The following SLC1A1 variants were observed in gnomAD, a reference collection of about 807,000 sequenced individuals.
SLC1A1 encodes solute carrier family 1 member 1, also known as excitatory amino acid transporter 3.
SLC1A1 carries 43 observed loss-of-function variants against 53.3 expected under a neutral mutation model. The observed-to-expected ratio is 0.81, with a 90% CI of 0.63 to 1.04. The LOEUF (loss-of-function observed/expected upper bound fraction) is 1.04. SLC1A1 is among the 50% of genes least tolerant of loss of function. The pLI is 0.00. For missense variants in SLC1A1, 748 were observed against 664.9 expected (o/e 1.12, Z -1.37); for synonymous variants, 307 against 243.2 (o/e 1.26, Z -2.44).
intron 1 of SLC1A1, among the ~76,000 whole-genome samples, chr9:4,518,234 C>CAAAAAA (rs34559140): frequency 2.0e-4 from 12 of 60,440 alleles, no homozygotes; most frequent in East Asian, 6.1e-4. Flanking sequence ...TATTCCACCT[C>CAAAAAA]AAAAAAAAAA....
chr9:4,519,252 A>C (rs900178941), intron 1 of SLC1A1, among the ~76,000 whole-genome samples: 1 of 152,262 alleles, frequency 6.6e-6, no homozygotes, highest in Non-Finnish European at 1.5e-5. Flanking sequence ...AAATGGATAC[A>C]AATAATAATA....
chr9:4,495,317 A>G (rs1413497637), intron 1 of SLC1A1, among the ~76,000 whole-genome samples: 11 of 152,174 alleles, frequency 7.2e-5, no homozygotes, highest in Admixed American at 7.2e-4. Context: ...TTTAACAGAT[A>G]TGTATCAGAC....
chr9:4,533,069 A>G (rs570438540), intron 1 of SLC1A1, among the ~76,000 whole-genome samples: 1 of 152,344 alleles, frequency 6.6e-6, no homozygotes, highest in South Asian at 2.1e-4. Flanking sequence ...AGAAGCACTA[A>G]ACATGGAAAG....
chr9:4,535,309 C>T (rs1026825571), intron 1 of SLC1A1, among the ~76,000 whole-genome samples: 8 of 152,082 alleles, frequency 5.3e-5, no homozygotes, highest in Non-Finnish European at 2.9e-5. Context: ...TAGAAAACCC[C>T]ATTGTCTCAG....
intron 1 of SLC1A1, among the ~76,000 whole-genome samples, chr9:4,514,028 G>A (rs1390175733): frequency 3.3e-5 from 5 of 152,182 alleles, no homozygotes; most frequent in African/African-American, 1.2e-4. Flanking sequence ...GTTGCTAGAG[G>A]TTAGGAATGG....
chr9:4,583,760 C>G lies in SLC1A1; in HGVS notation c.1328+588C>G, dbSNP rs757808389. On this transcript the variant is annotated intron_variant, in intron 11 of 11. Transcript: ENST00000262352. This position sits in a 1 kb window ranked among gnomAD's most constrained non-coding sequence, Gnocchi z 4.6. ...GCTCATGTGAGTGGAGCATCTAGAA[C>G]AGCGTTTGGCAGCCCATACATGCTC... Among the ~76,000 whole-genome samples the G allele has an allele frequency of 3.0e-4, 45 of 152,068 alleles. No individual in the cohort carries two copies. Among genetic ancestry groups the G allele is most frequent in the Non-Finnish European group, 5.7e-4 (39 of 68,026 alleles).
chr9:4,569,900 C>T lies in SLC1A1; in HGVS notation c.582+2133C>T, dbSNP rs181274537. Among the ~76,000 whole-genome samples, 841 of 152,306 alleles carry T rather than the reference C, an allele frequency of 5.5e-3. 7 individuals carry two copies. Among genetic ancestry groups the T allele is most frequent in the African/African-American group, 0.019 (784 of 41,560 alleles). ...ATTATAATGGTGAAAAGACAGATGCCAGGCCTCTGTCCTCACACAAAGAAT... is the reference window on the plus strand; with the variant it reads ...ATTATAATGGTGAAAAGACAGATGCTAGGCCTCTGTCCTCACACAAAGAAT... On this transcript the variant is annotated intron_variant, in intron 6 of 11. Coordinates refer to ENST00000262352, the MANE Select transcript of SLC1A1 (RefSeq NM_004170.6).
intron 2 of SLC1A1, among the ~76,000 whole-genome samples, chr9:4,548,350 G>A (rs1817654807): frequency 1.3e-5 from 2 of 152,272 alleles, no homozygotes; most frequent in Middle Eastern, 6.8e-3. Context: ...AACGTATACA[G>A]TTATTAGGCC....
intron 1 of SLC1A1, among the ~76,000 whole-genome samples, chr9:4,507,573 A>G (rs1454027304): frequency 6.6e-6 from 1 of 152,208 alleles, no homozygotes; most frequent in East Asian, 1.9e-4. Context: ...ACAAATGTTA[A>G]GAGAGAAGGG....
At position 4,499,037 on chromosome 9, in the gene SLC1A1, T is replaced by C. The variant is rs1012736038; in HGVS notation, c.91+8267T>C. Among the ~76,000 whole-genome samples, 7 of 120,312 alleles carry C rather than the reference T, an allele frequency of 5.8e-5. No homozygotes were observed. In the East Asian group the frequency reaches 1.4e-3, roughly 23 times the overall value. 78.9% of individuals were successfully genotyped at this position (120,312 alleles called of 152,430 possible). A position where few individuals can be genotyped will look rare whatever the true frequency, so the allele number is the denominator to read the frequency against. On this transcript the variant is annotated intron_variant, in intron 1 of 11. Transcript: ENST00000262352. ...TATATATAAGATTACATATTATATA[T>C]GTATATATATATCTTTTTTTTTTTT...
At chr9:4,511,904 A>T (rs1307724154) in intron 1 of SLC1A1, among the ~76,000 whole-genome samples, 1 of 152,228 alleles carries the variant, frequency 6.6e-6, no homozygotes, top group Non-Finnish European at 1.5e-5. Flanking sequence ...CACAAAAATC[A>T]CTTGTTATTT....
chr9:4,502,619 A>G (rs950295348), intron 1 of SLC1A1, among the ~76,000 whole-genome samples: 3 of 151,658 alleles, frequency 2.0e-5, no homozygotes, highest in African/African-American at 7.3e-5. Context: ...TGAAATTTAC[A>G]AGGCTTAGGT....
At chr9:4,552,071 G>A (rs929230806) in intron 2 of SLC1A1, among the ~76,000 whole-genome samples, 2 of 152,164 alleles carry the variant, frequency 1.3e-5, no homozygotes, top group African/African-American at 4.8e-5. Flanking sequence ...GACTAAACAG[G>A]TATTAGACTT....
intron 6 of SLC1A1, among the ~76,000 whole-genome samples, chr9:4,571,763 A>C (rs1586831762): frequency 6.6e-6 from 1 of 152,226 alleles, no homozygotes; most frequent in African/African-American, 2.4e-5. Context: ...CTTCATTATC[A>C]GGGTAAAACA....
chr9:4,532,407 G>A (rs369539607), intron 1 of SLC1A1, among the ~76,000 whole-genome samples: 22 of 152,206 alleles, frequency 1.4e-4, no homozygotes, highest in East Asian at 5.8e-4. Flanking sequence ...CGAGAACTAC[G>A]TGACAAATGC....
chr9:4,510,611 C>T (rs1246770057), intron 1 of SLC1A1, among the ~76,000 whole-genome samples: 2 of 152,186 alleles, frequency 1.3e-5, no homozygotes, highest in Non-Finnish European at 2.9e-5. Flanking sequence ...CATTTTCACT[C>T]CCAAGCAAGA....
intron 11 of SLC1A1, among the ~76,000 whole-genome samples, chr9:4,584,054 C>G (rs1325889897): frequency 6.6e-6 from 1 of 152,202 alleles, no homozygotes; most frequent in Non-Finnish European, 1.5e-5. Flanking sequence ...CTGGCTCTGT[C>G]CCCTGGCATT....
rs557837060 is a variant in SLC1A1, at chr9:4,586,652, C to A, written c.*1094C>A. ...AGAGGCCAGTACTTTGCCATCCTTG[C>A]ACTTCTGTTATCAGGGCCCAAATAA... is the stretch of plus-strand genomic sequence containing the variant. On this transcript the variant is annotated 3_prime_UTR_variant, in exon 12 of 12. Transcript: ENST00000262352. The A allele has an allele frequency of 6.6e-6, 1 of 152,306 alleles. No individual in the cohort carries two copies. The highest frequency in any genetic ancestry group is 2.4e-5 in the African/African-American group (1 of 41,570). 9.4% of individuals were successfully genotyped at this position (152,306 alleles called of 1,614,324 possible). A position where few individuals can be genotyped will look rare whatever the true frequency, so the allele number is the denominator to read the frequency against.
chr9:4,562,501 C>G (rs1489546339), intron 3 of SLC1A1, among the ~76,000 whole-genome samples: 1 of 152,130 alleles, frequency 6.6e-6, no homozygotes, highest in Non-Finnish European at 1.5e-5. Flanking sequence ...GCTAATAGAT[C>G]CTTGTTAAGG....
Sources: gnomAD v4.1 joint callset for allele counts (sites outside exome capture counted in the v4.1 genomes callset) on GRCh38, gnomAD v4.1.1 for gene constraint, Gnocchi (gnomAD v3.1) non-coding constraint, MANE v1.5 for transcripts, NCBI Gene and HGNC (gene_info 2026-07-23, HGNC 2026-07-21) for gene names.